FBXW4: variants seen among roughly 807,000 people sequenced by gnomAD.
The protein encoded by FBXW4 is F-box and WD repeat domain containing 4.
In FBXW4, 40 loss-of-function variants were observed where a neutral mutation model predicts 61.8. That is an observed-to-expected ratio of 0.65 (90% CI 0.50 to 0.84). FBXW4 has a LOEUF of 0.84. FBXW4 is among the 40% of genes least tolerant of loss of function. The pLI, the probability that FBXW4 is intolerant of heterozygous loss-of-function variation, is 0.00. For missense variants in FBXW4, 672 were observed against 753.8 expected (o/e 0.89, Z 1.27); for synonymous variants, 311 against 313.8 (o/e 0.99, Z 0.10).
At chr10:101,674,921 AG>A (rs2064393345) in intron 2 of FBXW4, among the ~76,000 whole-genome samples, 1 of 152,178 alleles carries the variant, frequency 6.6e-6, no homozygotes, top group Non-Finnish European at 1.5e-5. Context: ...TATTCTACAT[AG>A]GGGTTCTGGA....
chr10:101,644,348 A>G (rs1453180525), intron 5 of FBXW4, among the ~76,000 whole-genome samples: 1 of 152,208 alleles, frequency 6.6e-6, no homozygotes, highest in Non-Finnish European at 1.5e-5. Context: ...GCCATCTATT[A>G]CCTACATTGT....
intron 1 of FBXW4, among the ~76,000 whole-genome samples, chr10:101,684,266 G>A (rs1248618836): frequency 6.6e-6 from 1 of 152,256 alleles, no homozygotes; most frequent in Admixed American, 6.5e-5. Flanking sequence ...TGGGACTACA[G>A]GCGCCCGCCA....
In FBXW4 at chr10:101,649,643, AG is replaced by A. The variant is rs2064130016; in HGVS notation, c.1235+18242del. On this transcript the variant is annotated intron_variant, in intron 5 of 8. Transcript: ENST00000331272. Reference sequence around the variant, plus strand: ...GGCCCCTCAAAGACCTTGGAGCTCCAGCTTCTTTCTCCTTGTCAGGCCTGGC... The same window carrying A: ...GGCCCCTCAAAGACCTTGGAGCTCCACTTCTTTCTCCTTGTCAGGCCTGGC... Among the ~76,000 whole-genome samples, 3 of 152,336 alleles carry A rather than the reference AG, an allele frequency of 2.0e-5. 1 individual carries two copies. In the South Asian group the frequency reaches 6.2e-4, roughly 32 times the overall value.
intron 6 of FBXW4, among the ~76,000 whole-genome samples, chr10:101,619,199 C>A (rs968469432): frequency 1.3e-5 from 2 of 152,164 alleles, no homozygotes; most frequent in African/African-American, 4.8e-5. Context: ...ATGAAGATAC[C>A]GGAATTCCTG....
chr10:101,630,179 G>T lies in FBXW4; in HGVS notation c.1236-5369C>A, dbSNP rs149694766. On this transcript the variant is annotated intron_variant, in intron 5 of 8. Transcript: ENST00000331272. ...AGAATATGCAAGCTCTCTGACCTCT[G>T]ACAGGCACTGACACGAGATACAAAG... Among the ~76,000 whole-genome samples, 382 of 152,326 alleles carry T rather than the reference G, an allele frequency of 2.5e-3. 1 individual carries two copies. The highest frequency in any genetic ancestry group is 9.0e-3 in the African/African-American group (374 of 41,568).
intron 4 of FBXW4, among the ~76,000 whole-genome samples, chr10:101,668,396 G>C (rs1042938100): frequency 6.6e-6 from 1 of 152,184 alleles, no homozygotes; most frequent in African/African-American, 2.4e-5. Context: ...GAGGGAAGAA[G>C]ATCAAGGCAT....
intron 5 of FBXW4, among the ~76,000 whole-genome samples, chr10:101,639,151 G>A (rs1215052043): frequency 1.3e-5 from 2 of 152,316 alleles, no homozygotes; most frequent in East Asian, 3.9e-4. Flanking sequence ...GCCTGGGCAG[G>A]CCAGACCTGT....
At chr10:101,654,882 G>A (rs1366776079) in intron 5 of FBXW4, among the ~76,000 whole-genome samples, 1 of 152,226 alleles carries the variant, frequency 6.6e-6, no homozygotes, top group Non-Finnish European at 1.5e-5. Flanking sequence ...AGAGTGCAGT[G>A]GCACGATCTC....
chr10:101,667,840 G>A, intron 5 of FBXW4, 46 bp downstream of exon 5: 1 of 1,479,718 alleles, frequency 6.8e-7, no homozygotes, highest in Non-Finnish European at 9.4e-7. Flanking sequence ...TAAAATAAAA[G>A]CATTATTATA....
At chr10:101,669,759 C>CTTT (rs66921816) in intron 4 of FBXW4, among the ~76,000 whole-genome samples, 2 of 145,108 alleles carry the variant, frequency 1.4e-5, no homozygotes, top group Non-Finnish European at 3.0e-5. Context: ...TGGGAGTGGA[C>CTTT]TTTTTTTTTT....
intron 6 of FBXW4, among the ~76,000 whole-genome samples, chr10:101,621,344 T>C (rs528885849): frequency 2.0e-5 from 3 of 152,148 alleles, no homozygotes; most frequent in African/African-American, 7.2e-5. Flanking sequence ...CTGGGCAACA[T>C]AGCGAGACCT....
At chr10:101,671,618 C>T (rs916486518) in intron 4 of FBXW4, among the ~76,000 whole-genome samples, 1 of 151,932 alleles carries the variant, frequency 6.6e-6, no homozygotes, top group Non-Finnish European at 1.5e-5. Context: ...AAGCCTGAAG[C>T]CATGACAGGA....
chr10:101,621,569 T>C (rs2063867133), intron 6 of FBXW4, among the ~76,000 whole-genome samples: 1 of 151,956 alleles, frequency 6.6e-6, no homozygotes, highest in Admixed American at 6.6e-5. Flanking sequence ...AGGTACTAGT[T>C]TGGGTGGGAA....
chr10:101,619,251 T>G (rs980799829), intron 6 of FBXW4, among the ~76,000 whole-genome samples: 1 of 152,158 alleles, frequency 6.6e-6, no homozygotes, highest in Non-Finnish European at 1.5e-5. Context: ...CCACCTACCA[T>G]CAGAAGCAGA....
chr10:101,638,882 C>T (rs1349872704), intron 5 of FBXW4, among the ~76,000 whole-genome samples: 1 of 152,118 alleles, frequency 6.6e-6, no homozygotes, highest in African/African-American at 2.4e-5. Context: ...GTGCTTTCCC[C>T]CAAACTTCTG....
intron 5 of FBXW4, among the ~76,000 whole-genome samples, chr10:101,655,148 G>A (rs4919567): frequency 1 from 151,853 of 152,366 alleles, 75,674 homozygotes; most frequent in East Asian, 1. Context: ...TGTTCTTAAT[G>A]TAAGTCTTTG....
intron 6 of FBXW4, among the ~76,000 whole-genome samples, chr10:101,617,236 C>CCTAGTAAATTT (rs2063832160): frequency 6.6e-6 from 1 of 152,182 alleles, no homozygotes; most frequent in African/African-American, 2.4e-5. Context: ...GCGCAGGGGT[C>CCTAGTAAATTT]ACGCACCTAG....
chr10:101,669,707 A>G (rs1257736192), intron 4 of FBXW4, among the ~76,000 whole-genome samples: 1 of 152,012 alleles, frequency 6.6e-6, no homozygotes, highest in Non-Finnish European at 1.5e-5. Flanking sequence ...TTTGCCCTCC[A>G]TGGCCAAATT....
At chr10:101,612,729 G>A (rs1033786614) in intron 6 of FBXW4, among the ~76,000 whole-genome samples, 3 of 146,148 alleles carry the variant, frequency 2.1e-5, no homozygotes, top group South Asian at 4.4e-4. Flanking sequence ...TCACACCTGC[G>A]TGCCGGCTGC....
Sources: allele counts gnomAD v4.1 joint callset (sites outside exome capture counted in the v4.1 genomes callset), GRCh38; gene constraint gnomAD v4.1.1; transcripts MANE v1.5; gene names NCBI Gene and HGNC (gene_info 2026-07-23, HGNC 2026-07-21).